Variants in DOCK10 observed in about 807,000 individuals in gnomAD.
DOCK10 encodes the protein dedicator of cytokinesis 10, also known as dedicator of cytokinesis protein 10.
A neutral mutation model predicts 280.1 loss-of-function variants in DOCK10; 145 were observed. The ratio of observed to expected loss-of-function variants is 0.52; its 90% CI spans 0.45 to 0.59. The LOEUF (loss-of-function observed/expected upper bound fraction) is 0.59, where lower values mean the gene tolerates loss of function less well. Ranked by LOEUF, DOCK10 falls within the 20% of genes least tolerant of loss-of-function variation. The pLI is 0.00. For synonymous variants in DOCK10, 915 were observed against 942.2 expected (o/e 0.97, Z 0.53); for missense variants, 2,368 against 2,651.7 (o/e 0.89, Z 2.35).
chr2:224,870,391 G>T (rs987348300), intron 11 of DOCK10, among the ~76,000 whole-genome samples: 1 of 152,162 alleles, frequency 6.6e-6, no homozygotes, highest in African/African-American at 2.4e-5. Flanking sequence ...CAAGGACTAA[G>T]TTTCTAGATT....
chr2:224,916,361 C>T (rs1344870362), intron 3 of DOCK10, among the ~76,000 whole-genome samples: 2 of 152,000 alleles, frequency 1.3e-5, no homozygotes, highest in Non-Finnish European at 2.9e-5. Flanking sequence ...GCCAACATGG[C>T]GAAACCCTGT....
chr2:224,986,665 AGC>A (rs1705983124), intron 1 of DOCK10, among the ~76,000 whole-genome samples: 1 of 152,132 alleles, frequency 6.6e-6, no homozygotes, highest in Admixed American at 6.5e-5. Flanking sequence ...GGCCATATGA[AGC>A]CACAGTGAGA....
intron 1 of DOCK10, among the ~76,000 whole-genome samples, chr2:225,004,126 T>C (rs1472174000): frequency 1.3e-5 from 2 of 152,320 alleles, no homozygotes; most frequent in East Asian, 3.9e-4. Flanking sequence ...CATATCCCAA[T>C]CACTGGAACT....
intron 39 of DOCK10, among the ~76,000 whole-genome samples, chr2:224,803,122 AC>A (rs1265148416): frequency 6.6e-6 from 1 of 152,084 alleles, no homozygotes; most frequent in African/African-American, 2.4e-5. Context: ...GAGGCGAGGG[AC>A]AGAAATGGCC....
chr2:224,768,172 C>T (rs1025024543), intron 55 of DOCK10, among the ~76,000 whole-genome samples: 8 of 152,308 alleles, frequency 5.3e-5, no homozygotes, highest in Middle Eastern at 3.4e-3. Flanking sequence ...CAGCCTCAGC[C>T]TCCCAAATTG....
At chr2:224,939,168 C>T (rs1559815798) in intron 1 of DOCK10, among the ~76,000 whole-genome samples, 2 of 152,184 alleles carry the variant, frequency 1.3e-5, no homozygotes, top group African/African-American at 4.8e-5. Flanking sequence ...AGGTGAAAGT[C>T]GGTAAAGCAT....
intron 4 of DOCK10, 80 bp from the exon 5 acceptor site, chr2:224,886,611 A>G: frequency 1.9e-6 from 2 of 1,075,158 alleles, no homozygotes; most frequent in East Asian, 2.5e-5. Context: ...GGTAACAATA[A>G]CAACTATGGT....
chr2:224,804,159 G>A lies in DOCK10; in HGVS notation c.4221C>T (p.Leu1407=). 1 of 1,612,174 alleles carries A rather than the reference G, an allele frequency of 6.2e-7. No individual in the cohort carries two copies. The highest frequency in any genetic ancestry group is 1.1e-5 in the South Asian group (1 of 90,992). The change falls in exon 39 of 56, where the codon CTC becomes CTT. Residue 1407 remains leucine (L), a synonymous_variant. Coordinates refer to ENST00000258390, the MANE Select transcript of DOCK10 (RefSeq NM_014689.3). The part of the protein sequence containing the change: ...FVQSTQNNGT[L]KGSNPSCQTS... ...TCTGGCAGGAAGGATTGGATCCTTT[G>A]AGAGTTCCATTGTTCTGGGTGGACT...
At chr2:224,971,549 G>A (rs1042497253) in intron 1 of DOCK10, among the ~76,000 whole-genome samples, 10 of 152,156 alleles carry the variant, frequency 6.6e-5, no homozygotes, top group African/African-American at 2.4e-4. Context: ...ACACCTCATA[G>A]TTCAATGCAG....
chr2:224,903,884 T>TTTCTA (rs1700446042), intron 3 of DOCK10, among the ~76,000 whole-genome samples: 1 of 152,196 alleles, frequency 6.6e-6, no homozygotes, highest in African/African-American at 2.4e-5. Flanking sequence ...GAAATTTTAG[T>TTTCTA]GAATAGAAAA....
At chr2:224,836,124 A>C (rs972130696) in intron 25 of DOCK10, among the ~76,000 whole-genome samples, 2 of 152,224 alleles carry the variant, frequency 1.3e-5, no homozygotes, top group African/African-American at 4.8e-5. Flanking sequence ...GTTGAAATGG[A>C]GATGCCTGTG....
intron 1 of DOCK10, among the ~76,000 whole-genome samples, chr2:224,952,979 C>T (rs991210916): frequency 1.3e-5 from 2 of 152,208 alleles, no homozygotes; most frequent in Non-Finnish European, 2.9e-5. Flanking sequence ...TGAATCTAAG[C>T]AACCGGGGGG....
rs3754628 is a variant in DOCK10, at chr2:224,769,980, A to G, written c.6444+231T>C. On this transcript the variant is annotated intron_variant, in intron 55 of 55. Coordinates refer to ENST00000258390, the MANE Select transcript of DOCK10 (RefSeq NM_014689.3). ...TCTAGAAAACCCAGGGTTCATTTGG[A>G]CTGTGGAAAGTATCTAGGTTCTCAT... Among the ~76,000 whole-genome samples, 5 of 152,156 alleles carry G rather than the reference A, an allele frequency of 3.3e-5. No homozygotes were observed. The East Asian group carries it at 9.6e-4, about 29-fold the overall frequency.
chr2:225,011,961 G>A (rs984474670), intron 1 of DOCK10, among the ~76,000 whole-genome samples: 1 of 152,008 alleles, frequency 6.6e-6, no homozygotes, highest in East Asian at 1.9e-4. Context: ...ATGTACTGTC[G>A]GGAAGAAGAA....
At chr2:224,789,012 G>T in intron 48 of DOCK10, 52 bp downstream of exon 48, 1 of 1,115,316 alleles carries the variant, frequency 9.0e-7, no homozygotes, top group Non-Finnish European at 1.3e-6. Context: ...AATGTCACAA[G>T]CCAATGCATC....
chr2:224,914,492 G>A (rs776510181), intron 3 of DOCK10, among the ~76,000 whole-genome samples: 2 of 152,156 alleles, frequency 1.3e-5, no homozygotes, highest in Non-Finnish European at 2.9e-5. Context: ...GGGATCCACA[G>A]GACAAAAGCC....
Position 224,797,961 on chromosome 2 carries a change from GAGTTGT to G in DOCK10, c.4509_4514del (p.Arg1503_Leu1505delinsSer). ...ATGAATTTTGACAGTCACATTGTTG[GAGTTGT>G]CTCTGGAAATTCAATGCAGATGTTA... On this transcript the variant is annotated inframe_deletion and splice_region_variant, in exon 42 of 56. Coordinates refer to ENST00000258390, the MANE Select transcript of DOCK10 (RefSeq NM_014689.3). 1 of 1,613,038 alleles carries G rather than the reference GAGTTGT, an allele frequency of 6.2e-7. No individual in the cohort carries two copies. The highest frequency in any genetic ancestry group is 8.5e-7 in the Non-Finnish European group (1 of 1,179,522).
At position 224,943,888 on chromosome 2, in the gene DOCK10, C is replaced by T. The variant is rs528854925; in HGVS notation, c.124-12220G>A. On this transcript the variant is annotated intron_variant, in intron 1 of 55. Transcript: ENST00000258390. ...AAGTGATTCTTCTGCCTTAGCCTCC[C>T]GAGTAGCTGGGACTACAGGCACGTG... Among the ~76,000 whole-genome samples the T allele has an allele frequency of 4.0e-5, 6 of 151,868 alleles. No individual in the cohort carries two copies. The East Asian group carries it at 9.7e-4, about 25-fold the overall frequency.
chr2:224,864,887 T>G lies in DOCK10; in HGVS notation c.1458A>C (p.Glu486Asp). Residue 486 changes from glutamate (E) to aspartate (D), a missense_variant, in exon 12 of 56, where the codon GAA becomes GAC. Transcript: ENST00000258390. ...EEPHIKGLPE[E>D]WLKFPKQAVF... ...CCACCTGCTTTGGAAATTTTAGCCATTCCTCTGGAAGTCCCTTGATGTGAG... is the reference window on the plus strand; with the variant it reads ...CCACCTGCTTTGGAAATTTTAGCCAGTCCTCTGGAAGTCCCTTGATGTGAG... 1 of 1,614,028 alleles carries G rather than the reference T, an allele frequency of 6.2e-7. No individual in the cohort carries two copies. The highest frequency in any genetic ancestry group is 1.1e-5 in the South Asian group (1 of 91,088).
Sources: gnomAD v4.1 joint callset for allele counts (sites outside exome capture counted in the v4.1 genomes callset) on GRCh38, gnomAD v4.1.1 for gene constraint, MANE v1.5 for transcripts, NCBI Gene and HGNC (gene_info 2026-07-23, HGNC 2026-07-21) for gene names.